SLC22A16: variants seen among roughly 807,000 people sequenced by gnomAD.
SLC22A16 encodes the protein solute carrier family 22 member 16, also known as WUGSC:RG331P03.1.
Under a neutral mutation model 52.9 loss-of-function variants are expected in SLC22A16, and 53 were observed. The ratio of observed to expected loss-of-function variants is 1.00; its 90% CI spans 0.80 to 1.26. SLC22A16 has a LOEUF of 1.26. Among genes scored for constraint, SLC22A16 ranks in the 50% most tolerant of loss-of-function variants. The probability of loss-of-function intolerance (pLI) is 0.00; values close to 1 mark genes in which losing one functional copy is unlikely to be tolerated. For synonymous variants in SLC22A16, 291 were observed against 268.8 expected (o/e 1.08, Z -0.81); for missense variants, 726 against 704.0 (o/e 1.03, Z -0.35).
At chr6:110,469,496 C>A (rs1363847126) in intron 1 of SLC22A16, among the ~76,000 whole-genome samples, 1 of 152,194 alleles carries the variant, frequency 6.6e-6, no homozygotes, top group East Asian at 1.9e-4. Flanking sequence ...TGCAGTGAGC[C>A]AAGATCGTGC....
At position 110,424,859 on chromosome 6, in the gene SLC22A16, C is replaced by CA. The variant is rs1774185079; in HGVS notation, c.*13dup. Reference sequence around the variant, plus strand: ...AAATAATATTTCAGGTGCTAGACAGCAGGCATGGCACATTTATTCACCAAG... The same window carrying CA: ...AAATAATATTTCAGGTGCTAGACAGCAAGGCATGGCACATTTATTCACCAAG... On this transcript the variant is annotated 3_prime_UTR_variant, in exon 8 of 8. Transcript: ENST00000368919. 1 of 1,613,894 alleles carries CA rather than the reference C, an allele frequency of 6.2e-7. No individual in the cohort carries two copies. The highest frequency in any genetic ancestry group is 1.3e-5 in the African/African-American group (1 of 74,906).
chr6:110,429,408 T>C (rs1025152412), intron 7 of SLC22A16, among the ~76,000 whole-genome samples: 1 of 152,252 alleles, frequency 6.6e-6, no homozygotes, highest in Non-Finnish European at 1.5e-5. Context: ...ACCTGCTGTG[T>C]GTACAAGGCA....
rs1582601093 is a variant in SLC22A16, at chr6:110,473,833, C to T, written c.53+2689G>A. Reference sequence around the variant, plus strand: ...AACCACCGCACCTGGCCTGTTTTCCCCTTTTAAAGGTGACTAGAATAGTGC... The same window carrying T: ...AACCACCGCACCTGGCCTGTTTTCCTCTTTTAAAGGTGACTAGAATAGTGC... On this transcript the variant is annotated intron_variant, in intron 1 of 7. Transcript: ENST00000368919. Among the ~76,000 whole-genome samples the T allele has an allele frequency of 3.3e-5, 5 of 150,764 alleles. 1 individual carries two copies. The highest frequency in any genetic ancestry group is 3.3e-4 in the Admixed American group (5 of 15,180).
At chr6:110,425,147 A>C in intron 7 of SLC22A16, 62 bp from the exon 8 acceptor site, 1 of 1,595,260 alleles carries the variant, frequency 6.3e-7, no homozygotes, top group Non-Finnish European at 8.5e-7. Context: ...CCTTCGGAGA[A>C]TAGAATTTCC....
chr6:110,445,939 T>G (rs926589910), intron 3 of SLC22A16, among the ~76,000 whole-genome samples: 1 of 152,204 alleles, frequency 6.6e-6, no homozygotes, highest in Admixed American at 6.5e-5. Context: ...TCCAGTCTCC[T>G]AGATTTATTT....
intron 2 of SLC22A16, chr6:110,455,532 A>G (rs1775614789): frequency 6.6e-6 from 1 of 152,210 alleles, no homozygotes. Context: ...ATATGACTGT[A>G]AAATCCACAA....
At position 110,456,705 on chromosome 6, in the gene SLC22A16, C is replaced by T; in HGVS notation, c.366G>A (p.Glu122=). The change falls in exon 2 of 8, where the codon GAG becomes GAA. Residue 122 remains glutamate (E), a synonymous_variant. Coordinates refer to ENST00000368919, the MANE Select transcript of SLC22A16 (RefSeq NM_033125.4). ...ATATGTAGCCATCCACACAAGGAAA[C>T]TCTTTCTTACTGCCAGTGTATTCAT... ...LGYEYTGSKK[E]FPCVDGYIYD... is the part of the protein sequence containing the mutation. The T allele has an allele frequency of 6.2e-7, 1 of 1,614,188 alleles. No individual in the cohort carries two copies. Among genetic ancestry groups the T allele is most frequent in the Non-Finnish European group, 8.5e-7 (1 of 1,180,024 alleles).
At chr6:110,437,701 T>C (rs1019206005) in intron 5 of SLC22A16, among the ~76,000 whole-genome samples, 1 of 152,230 alleles carries the variant, frequency 6.6e-6, no homozygotes, top group African/African-American at 2.4e-5. Context: ...AGTACTGTTA[T>C]AGTGACATTT....
intron 7 of SLC22A16, among the ~76,000 whole-genome samples, chr6:110,430,514 G>C (rs1774454107): frequency 6.6e-6 from 1 of 152,044 alleles, no homozygotes; most frequent in African/African-American, 2.4e-5. Context: ...CTGCAGGCTG[G>C]CAAGTCACAC....
At chr6:110,430,543 G>T (rs184465236) in intron 7 of SLC22A16, among the ~76,000 whole-genome samples, 1 of 152,220 alleles carries the variant, frequency 6.6e-6, no homozygotes, top group Admixed American at 6.5e-5. Context: ...CACCCATCCC[G>T]CATCTTCTTC....
chr6:110,431,236 G>A lies in SLC22A16; in HGVS notation c.1456C>T (p.Arg486Cys), dbSNP rs1418268498. 7 of 1,613,146 alleles carry A rather than the reference G, an allele frequency of 4.3e-6. No homozygotes were observed. In the South Asian group the frequency reaches 4.4e-5, roughly 10 times the overall value. ...AACGGCGCCAGGATGCTGGCCAGGC[G>A]ACACACCATGCTGCCGCTTCCCACA... ...LAVGSGSMVC[R>C]LASILAPFSV... Residue 486 changes from arginine to cysteine, a missense_variant, in exon 7 of 8, where the codon CGC becomes TGC. Arg to Cys is a radical substitution (Grantham distance 180). Coordinates refer to ENST00000368919, the MANE Select transcript of SLC22A16 (RefSeq NM_033125.4).
intron 5 of SLC22A16, among the ~76,000 whole-genome samples, chr6:110,436,981 T>A (rs1229677531): frequency 5.9e-5 from 9 of 152,102 alleles, no homozygotes; most frequent in Admixed American, 5.9e-4. Flanking sequence ...TCAGCCTACA[T>A]CCCTGAATGA....
chr6:110,427,258 A>G (rs1028737806), intron 7 of SLC22A16, among the ~76,000 whole-genome samples: 34 of 144,732 alleles, frequency 2.3e-4, no homozygotes, highest in African/African-American at 9.2e-4. Flanking sequence ...AAAAAAAAAA[A>G]AAAAAAGAAA....
At chr6:110,451,910 G>T (rs552471982) in intron 2 of SLC22A16, among the ~76,000 whole-genome samples, 1 of 152,062 alleles carries the variant, frequency 6.6e-6, no homozygotes, top group East Asian at 1.9e-4. Flanking sequence ...ACATATGCAC[G>T]TTTAGTCCTT....
intron 1 of SLC22A16, among the ~76,000 whole-genome samples, chr6:110,462,310 T>G (rs1775912811): frequency 6.6e-6 from 1 of 152,194 alleles, no homozygotes; most frequent in East Asian, 1.9e-4. Flanking sequence ...CAAAGTGTTT[T>G]GACACCTCCA....
In SLC22A16 at chr6:110,442,460, A is replaced by T. The variant is rs767415728; in HGVS notation, c.967T>A (p.Ser323Thr). The change falls in exon 4 of 8, where the codon TCA (serine) becomes ACA (threonine). Residue 323 changes from serine (S) to threonine (T), a missense_variant. Physicochemically the swap from Ser to Thr is moderately conservative, Grantham distance 58. Coordinates refer to ENST00000368919, the MANE Select transcript of SLC22A16 (RefSeq NM_033125.4). Reference protein sequence around the residue: ...KWNRASSCKLSELLSLDLQGP... With the variant: ...KWNRASSCKLTELLSLDLQGP... ...TGTAGGTCCAGTGATAAAAGTTCTG[A>T]CAGTTTACAGGAGCTTGCCCTGTTC... is the stretch of plus-strand genomic sequence containing the variant. 1.6e-5 allele frequency: 26 copies of T among 1,614,128 alleles called. No individual in the cohort carries two copies. In the Admixed American group the frequency reaches 4.3e-4, roughly 27 times the overall value.
chr6:110,454,667 T>TTTTTG (rs1204093830), intron 2 of SLC22A16, among the ~76,000 whole-genome samples: 2 of 45,846 alleles, frequency 4.4e-5, no homozygotes, highest in African/African-American at 3.3e-4. Context: ...TTATATATAT[T>TTTTTG]TATATATATT....
At chr6:110,450,482 C>T (rs1435876170) in intron 2 of SLC22A16, among the ~76,000 whole-genome samples, 2 of 151,908 alleles carry the variant, frequency 1.3e-5, no homozygotes, top group Non-Finnish European at 2.9e-5. Flanking sequence ...CATGGCGGCA[C>T]ATGCCTGTAG....
chr6:110,442,974 C>G (rs1308105012), intron 3 of SLC22A16, among the ~76,000 whole-genome samples, 199 bp from the exon 4 acceptor site: 1 of 152,112 alleles, frequency 6.6e-6, no homozygotes, highest in East Asian at 1.9e-4. Context: ...CCCTCATCCT[C>G]CCCACCCCAA....
Sources: allele counts gnomAD v4.1 joint callset (sites outside exome capture counted in the v4.1 genomes callset), GRCh38; gene constraint gnomAD v4.1.1; transcripts MANE v1.5; gene names NCBI Gene and HGNC (gene_info 2026-07-23, HGNC 2026-07-21).